The following CCSER1 variants were observed in gnomAD, a reference collection of about 807,000 sequenced individuals.
CCSER1 encodes the protein serine-rich coiled-coil domain-containing protein 1.
In CCSER1, 41 loss-of-function variants were observed where a neutral mutation model predicts 82.0. That is an observed-to-expected ratio of 0.50 (90% CI 0.39 to 0.65). The LOEUF (loss-of-function observed/expected upper bound fraction) is 0.65, where lower values mean the gene tolerates loss of function less well. Ranked by LOEUF, CCSER1 falls within the 30% of genes least tolerant of loss-of-function variation. CCSER1 has a pLI of 0.00. For missense variants in CCSER1, 1,119 were observed against 1,064.2 expected, an observed-to-expected ratio of 1.05 and a Z score of -0.72; for synonymous variants, 414 against 383.9, an observed-to-expected ratio of 1.08 and a Z score of -0.92.
chr4:90,859,729 A>G (rs1764855788), intron 8 of CCSER1, among the ~76,000 whole-genome samples: 1 of 151,710 alleles, frequency 6.6e-6, no homozygotes, highest in East Asian at 1.9e-4. Context: ...TAAGTGTACC[A>G]AAGCAGATGC....
At chr4:91,005,176 C>T (rs1190039397) in intron 9 of CCSER1, among the ~76,000 whole-genome samples, 2 of 152,136 alleles carry the variant, frequency 1.3e-5, no homozygotes, top group Admixed American at 1.3e-4. Flanking sequence ...GCCACTCTTC[C>T]TTGACTTGTG....
chr4:90,403,654 G>A (rs1180159328), intron 4 of CCSER1, among the ~76,000 whole-genome samples: 1 of 151,982 alleles, frequency 6.6e-6, no homozygotes, highest in Non-Finnish European at 1.5e-5. Flanking sequence ...GTGAAATAAT[G>A]ATATCATTAT....
At chr4:90,749,071 G>C (rs1176223658) in intron 7 of CCSER1, among the ~76,000 whole-genome samples, 2 of 151,786 alleles carry the variant, frequency 1.3e-5, no homozygotes, top group African/African-American at 4.8e-5. Flanking sequence ...TTTGGCTTTT[G>C]TTGCCGTTGC....
At chr4:90,843,633 C>A (rs1433265205) in intron 8 of CCSER1, among the ~76,000 whole-genome samples, 1 of 152,198 alleles carries the variant, frequency 6.6e-6, no homozygotes, top group Non-Finnish European at 1.5e-5. Flanking sequence ...CAGAATCATT[C>A]TCTCATACCT....
At chr4:90,927,691 C>G (rs1729233922) in intron 9 of CCSER1, among the ~76,000 whole-genome samples, 1 of 151,944 alleles carries the variant, frequency 6.6e-6, no homozygotes. Context: ...AAAAACTTTT[C>G]AATGCAATTA....
At chr4:90,482,122 T>G (rs2153598792) in intron 5 of CCSER1, among the ~76,000 whole-genome samples, 1 of 152,314 alleles carries the variant, frequency 6.6e-6, no homozygotes, top group Admixed American at 6.5e-5. Flanking sequence ...GTTGAGCAAT[T>G]TATCCATTTC....
At chr4:91,223,301 A>G (rs1285673503) in intron 10 of CCSER1, among the ~76,000 whole-genome samples, 1 of 152,146 alleles carries the variant, frequency 6.6e-6, no homozygotes, top group Non-Finnish European at 1.5e-5. Context: ...TGAAAAGTGC[A>G]TTGTAGACAA....
At chr4:90,705,775 G>T (rs548154375) in intron 6 of CCSER1, among the ~76,000 whole-genome samples, 30 of 152,230 alleles carry the variant, frequency 2.0e-4, no homozygotes, top group Admixed American at 5.2e-4. Flanking sequence ...CTCCGAGCCA[G>T]GCTCAGAATA....
At chr4:90,352,256 C>T (rs1028545279) in intron 3 of CCSER1, among the ~76,000 whole-genome samples, 9 of 151,638 alleles carry the variant, frequency 5.9e-5, no homozygotes, top group Admixed American at 3.9e-4. Flanking sequence ...CCCGGGAGGC[C>T]GAGCTTGCAA....
At chr4:90,960,553 C>A (rs1359568911) in intron 9 of CCSER1, among the ~76,000 whole-genome samples, 1 of 152,156 alleles carries the variant, frequency 6.6e-6, no homozygotes, top group African/African-American at 2.4e-5. Flanking sequence ...TGATCTCCAC[C>A]ACTCTCAGCC....
chr4:90,844,613 C>T (rs1445841540), intron 8 of CCSER1, among the ~76,000 whole-genome samples: 1 of 152,156 alleles, frequency 6.6e-6, no homozygotes, highest in Non-Finnish European at 1.5e-5. Context: ...TTACCTTCCT[C>T]AACTTCACTA....
At chr4:90,243,578 G>T (rs1415466746) in intron 1 of CCSER1, among the ~76,000 whole-genome samples, 3 of 151,294 alleles carry the variant, frequency 2.0e-5, no homozygotes, top group African/African-American at 7.3e-5. Context: ...GGGAGGTGGG[G>T]GGTCTTGCTT....
intron 10 of CCSER1, among the ~76,000 whole-genome samples, chr4:91,525,085 C>A (rs910386355): frequency 2.6e-5 from 4 of 151,942 alleles, no homozygotes; most frequent in Non-Finnish European, 5.9e-5. Context: ...CTAACTAATA[C>A]GAGAATCTCC....
At chr4:91,518,457 C>T (rs1392738180) in intron 10 of CCSER1, among the ~76,000 whole-genome samples, 2 of 152,066 alleles carry the variant, frequency 1.3e-5, no homozygotes, top group African/African-American at 4.8e-5. Flanking sequence ...TTCTATAGTC[C>T]AAGGGAAGCT....
chr4:90,841,143 T>A (rs1036808412), intron 8 of CCSER1, among the ~76,000 whole-genome samples: 3 of 151,786 alleles, frequency 2.0e-5, no homozygotes, highest in Admixed American at 6.6e-5. Flanking sequence ...CCTCAGCCAA[T>A]GTAGAAGCTT....
At chr4:90,367,032 A>C (rs1490615919) in intron 3 of CCSER1, among the ~76,000 whole-genome samples, 3 of 151,908 alleles carry the variant, frequency 2.0e-5, no homozygotes, top group African/African-American at 7.2e-5. Flanking sequence ...GCCAATGAAA[A>C]TTTACATGCG....
intron 10 of CCSER1, among the ~76,000 whole-genome samples, chr4:91,135,979 C>T (rs544313173): frequency 2.6e-4 from 39 of 151,994 alleles, no homozygotes; most frequent in Non-Finnish European, 5.4e-4. Context: ...CATTATGTTG[C>T]CAGACATGAA....
intron 10 of CCSER1, among the ~76,000 whole-genome samples, chr4:91,423,456 G>A (rs1016871842): frequency 2.6e-5 from 4 of 151,914 alleles, no homozygotes; most frequent in Middle Eastern, 3.4e-3. Context: ...TCTGGTTAAC[G>A]GTAGAAAAAG....
At chr4:90,532,413 G>A (rs929403726) in intron 5 of CCSER1, among the ~76,000 whole-genome samples, 3 of 151,766 alleles carry the variant, frequency 2.0e-5, no homozygotes, top group Non-Finnish European at 4.4e-5. Flanking sequence ...TGCTTGTTCC[G>A]ATGATTTTTC....
Sources: gnomAD v4.1 joint callset for allele counts (sites outside exome capture counted in the v4.1 genomes callset) on GRCh38, gnomAD v4.1.1 for gene constraint, MANE v1.5 for transcripts, NCBI Gene and HGNC (gene_info 2026-07-23, HGNC 2026-07-21) for gene names.